The following MAN2A1 variants were observed in gnomAD, a reference collection of about 807,000 sequenced individuals.
MAN2A1 encodes mannosidase alpha class 2A member 1, also known as alpha-mannosidase 2.
MAN2A1 carries 76 observed loss-of-function variants against 142.6 expected under a neutral mutation model. The observed-to-expected ratio is 0.53, with a 90% CI of 0.44 to 0.65. The LOEUF is 0.65. Ranked by LOEUF, MAN2A1 falls within the 30% of genes least tolerant of loss-of-function variation. The pLI, the probability that MAN2A1 is intolerant of heterozygous loss-of-function variation, is 0.00. For missense variants in MAN2A1, 1,311 were observed against 1,365.1 expected (o/e 0.96, Z 0.62); for synonymous variants, 559 against 473.2 (o/e 1.18, Z -2.35).
At chr5:109,769,050 A>T (rs540620877) in intron 6 of MAN2A1, among the ~76,000 whole-genome samples, 35 of 152,318 alleles carry the variant, frequency 2.3e-4, no homozygotes, top group African/African-American at 8.4e-4. Context: ...AATTAGCTGC[A>T]AAAGAGTAGC....
chr5:109,707,199 C>A (rs1212343230), intron 1 of MAN2A1, among the ~76,000 whole-genome samples: 1 of 152,192 alleles, frequency 6.6e-6, no homozygotes, highest in Non-Finnish European at 1.5e-5. Flanking sequence ...CCATGAAAAC[C>A]ACCCTATTAA....
intron 7 of MAN2A1, among the ~76,000 whole-genome samples, chr5:109,770,948 G>A (rs142152796): frequency 6.6e-6 from 1 of 152,304 alleles, no homozygotes; most frequent in Non-Finnish European, 1.5e-5. Flanking sequence ...CATAAAGAGT[G>A]TAATTATCTG....
At chr5:109,727,183 A>C (rs1337042747) in intron 3 of MAN2A1, among the ~76,000 whole-genome samples, 1 of 152,172 alleles carries the variant, frequency 6.6e-6, no homozygotes, top group Non-Finnish European at 1.5e-5. Context: ...GGGCTGCCAT[A>C]GCAAAGTACC....
intron 19 of MAN2A1, 52 bp from the exon 20 acceptor site, chr5:109,855,088 G>T (rs1409293758): frequency 2.2e-6 from 2 of 930,174 alleles, no homozygotes; most frequent in South Asian, 2.7e-5. Flanking sequence ...CTGTTAATAT[G>T]ATGAGAACTG....
chr5:109,759,947 C>CTATA (rs141976116), intron 5 of MAN2A1, among the ~76,000 whole-genome samples: 30 of 104,244 alleles, frequency 2.9e-4, no homozygotes, highest in Non-Finnish European at 5.1e-4. Flanking sequence ...TGAATTGTTG[C>CTATA]TATATATATA....
At chr5:109,818,455 T>C (rs1754530582) in intron 13 of MAN2A1, among the ~76,000 whole-genome samples, 1 of 152,152 alleles carries the variant, frequency 6.6e-6, no homozygotes, top group Non-Finnish European at 1.5e-5. Flanking sequence ...GGTCAGATTT[T>C]ACAGGAAGCT....
At chr5:109,815,182 C>T (rs768273949) in intron 12 of MAN2A1, among the ~76,000 whole-genome samples, 12 of 152,064 alleles carry the variant, frequency 7.9e-5, no homozygotes, top group Non-Finnish European at 1.3e-4. Flanking sequence ...GAATCCTGGC[C>T]GTTGCAGTTA....
chr5:109,716,088 A>C, intron 2 of MAN2A1, 32 bp from the exon 3 acceptor site: 1 of 1,485,792 alleles, frequency 6.7e-7, no homozygotes, highest in Non-Finnish European at 9.3e-7. Flanking sequence ...AATAATTGTT[A>C]AACTTTAATT....
chr5:109,849,558 G>A (rs976965411), intron 19 of MAN2A1, among the ~76,000 whole-genome samples: 1 of 151,994 alleles, frequency 6.6e-6, no homozygotes, highest in Non-Finnish European at 1.5e-5. Flanking sequence ...CTATCTCATT[G>A]CCTGAATATT....
intron 3 of MAN2A1, among the ~76,000 whole-genome samples, chr5:109,724,858 T>A (rs1751699919): frequency 6.6e-6 from 1 of 152,194 alleles, no homozygotes; most frequent in African/African-American, 2.4e-5. Context: ...CAATGATTAT[T>A]AGGTATAGCA....
rs749996644 is a variant in MAN2A1, at chr5:109,690,370, T to A, written c.-48T>A. The A allele has an allele frequency of 6.2e-7, 1 of 1,610,328 alleles. No individual in the cohort carries two copies. The highest frequency in any genetic ancestry group is 1.1e-5 in the South Asian group (1 of 90,992). ...GCTTCCTAGAGTCCACAGTGCGCTG[T>A]CTCCTTTGGCTGAGGAGAGTGTCCT... On this transcript the variant is annotated 5_prime_UTR_variant, in exon 1 of 22. Transcript: ENST00000261483.
intron 10 of MAN2A1, among the ~76,000 whole-genome samples, chr5:109,787,204 G>A (rs915395987): frequency 1.3e-5 from 2 of 151,952 alleles, no homozygotes; most frequent in Non-Finnish European, 2.9e-5. Context: ...TTAGAATTCC[G>A]CTAATTATTC....
intron 1 of MAN2A1, among the ~76,000 whole-genome samples, chr5:109,704,063 A>G (rs942075658): frequency 1.4e-4 from 21 of 152,124 alleles, no homozygotes; most frequent in African/African-American, 3.9e-4. Context: ...ATGAGATGCT[A>G]TTATTTGAGG....
intron 3 of MAN2A1, among the ~76,000 whole-genome samples, chr5:109,724,837 AAG>A (rs1455380639): frequency 6.6e-6 from 1 of 152,178 alleles, no homozygotes; most frequent in Non-Finnish European, 1.5e-5. Context: ...TGGAAACTTA[AAG>A]ATAATGGACA....
chr5:109,867,127 T>G lies in MAN2A1; in HGVS notation c.*129T>G. 1.8e-6 allele frequency: 1 copy of G among 565,722 alleles called. No individual in the cohort carries two copies. 35.0% of individuals were successfully genotyped at this position (565,722 alleles called of 1,614,324 possible). On this transcript the variant is annotated 3_prime_UTR_variant, in exon 22 of 22. Coordinates refer to ENST00000261483, the MANE Select transcript of MAN2A1 (RefSeq NM_002372.4). ...ACATGAATTCTGTGATTCTGTGGGT[T>G]TTTTCTTTTTTCTTTTACCAGTACA...
At chr5:109,756,776 G>A (rs1236876587) in intron 5 of MAN2A1, among the ~76,000 whole-genome samples, 2 of 152,194 alleles carry the variant, frequency 1.3e-5, no homozygotes, top group Non-Finnish European at 2.9e-5. Flanking sequence ...CTTGGTTAGT[G>A]TCTGGGAACA....
At chr5:109,767,738 A>C (rs763500645) in intron 6 of MAN2A1, 30 bp downstream of exon 6, 2 of 1,588,790 alleles carry the variant, frequency 1.3e-6, no homozygotes, top group African/African-American at 2.7e-5. Context: ...AGTTGATCCC[A>C]TTTGGCCTAG....
intron 16 of MAN2A1, among the ~76,000 whole-genome samples, chr5:109,836,082 C>A (rs1257462408): frequency 2.0e-5 from 3 of 151,708 alleles, no homozygotes; most frequent in African/African-American, 7.3e-5. Flanking sequence ...TCCAGTTTTT[C>A]TTTTAATAAT....
intron 17 of MAN2A1, among the ~76,000 whole-genome samples, chr5:109,842,867 A>G (rs1484168440): frequency 1.5e-5 from 2 of 136,956 alleles, no homozygotes; most frequent in African/African-American, 5.5e-5. Context: ...GTGCAGTGGC[A>G]TGATCTCAGC....
Sources: allele counts gnomAD v4.1 joint callset (sites outside exome capture counted in the v4.1 genomes callset), GRCh38; gene constraint gnomAD v4.1.1; transcripts MANE v1.5; gene names NCBI Gene and HGNC (gene_info 2026-07-23, HGNC 2026-07-21).